The following ARAP2 variants were observed in gnomAD, a reference collection of about 807,000 sequenced individuals.
ARAP2 encodes the protein ArfGAP with RhoGAP domain, ankyrin repeat and PH domain 2.
In ARAP2, 148 loss-of-function variants were observed where a neutral mutation model predicts 194.5. The ratio of observed to expected loss-of-function variants is 0.76; its 90% CI spans 0.67 to 0.87. The LOEUF (loss-of-function observed/expected upper bound fraction) is 0.87. ARAP2 is among the 40% of genes least tolerant of loss of function. The probability of loss-of-function intolerance (pLI) is 0.00; values close to 1 mark genes in which losing one functional copy is unlikely to be tolerated. For missense variants in ARAP2, 2,128 were observed against 1,989.7 expected, an observed-to-expected ratio of 1.07 and a Z score of -1.32; for synonymous variants, 695 against 683.5, an observed-to-expected ratio of 1.02 and a Z score of -0.26.
intron 25 of ARAP2, among the ~76,000 whole-genome samples, chr4:36,114,881 C>T (rs1720960664): frequency 6.6e-6 from 1 of 151,972 alleles, no homozygotes; most frequent in South Asian, 2.1e-4. Context: ...CCTGAGGCCA[C>T]TGTATAAGCA....
chr4:36,216,366 C>T (rs915381490), intron 2 of ARAP2, among the ~76,000 whole-genome samples: 1 of 152,052 alleles, frequency 6.6e-6, no homozygotes, highest in Non-Finnish European at 1.5e-5. Flanking sequence ...TTAAGGCTGT[C>T]GATATCAAGT....
chr4:36,087,791 A>C lies in ARAP2; in HGVS notation c.4425+4090T>G, dbSNP rs145805593. Among the ~76,000 whole-genome samples the C allele has an allele frequency of 1.7e-3, 261 of 152,236 alleles. 1 individual carries two copies. Among genetic ancestry groups the C allele is most frequent in the African/African-American group, 6.1e-3 (253 of 41,568 alleles). On this transcript the variant is annotated intron_variant, in intron 28 of 32. Coordinates refer to ENST00000303965, the MANE Select transcript of ARAP2 (RefSeq NM_015230.4). Reference sequence around the variant, plus strand: ...CTACACATAAAATTCTTTCAGCAAAAACACTAAGGTAATACAAATGTTAAA... The same window carrying C: ...CTACACATAAAATTCTTTCAGCAAACACACTAAGGTAATACAAATGTTAAA...
chr4:36,068,598 C>T (rs935820366), intron 32 of ARAP2, among the ~76,000 whole-genome samples: 9 of 152,142 alleles, frequency 5.9e-5, no homozygotes, highest in African/African-American at 1.2e-4. Context: ...TAGTGATGCG[C>T]GGTAGGACAC....
chr4:36,229,433 A>T lies in ARAP2; in HGVS notation c.54T>A (p.Ile18=). Residue 18 remains isoleucine, a synonymous_variant, in exon 2 of 33, where the codon ATT becomes ATA. Coordinates refer to ENST00000303965, the MANE Select transcript of ARAP2 (RefSeq NM_015230.4). ...AATGTAAGAGATACTGCTCCAAATT[A>T]ATGCTCATTAGGAAATCTTTTATAT... The part of the protein sequence containing the change: ...NVDIKDFLMS[I]NLEQYLLHFH... The T allele has an allele frequency of 6.2e-7, 1 of 1,613,626 alleles. No homozygotes were observed. Among genetic ancestry groups the T allele is most frequent in the Non-Finnish European group, 8.5e-7 (1 of 1,179,664 alleles).
At chr4:36,160,935 T>A (rs1021007677) in intron 12 of ARAP2, among the ~76,000 whole-genome samples, 9 of 152,154 alleles carry the variant, frequency 5.9e-5, no homozygotes, top group African/African-American at 2.2e-4. Context: ...TGAGACAGCT[T>A]CACTTTAAAT....
intron 30 of ARAP2, among the ~76,000 whole-genome samples, chr4:36,081,192 G>A (rs576348424): frequency 1.4e-4 from 21 of 152,076 alleles, no homozygotes; most frequent in Admixed American, 9.8e-4. Flanking sequence ...TTTTAATTCC[G>A]TACCCTTGTT....
intron 9 of ARAP2, among the ~76,000 whole-genome samples, chr4:36,173,853 C>A (rs954448908): frequency 3.3e-5 from 5 of 152,122 alleles, no homozygotes; most frequent in African/African-American, 1.2e-4. Flanking sequence ...AATGATAAAT[C>A]TAACACTTTT....
At chr4:36,055,379 A>C (rs1723317339) in intron 2 of ARAP2, among the ~76,000 whole-genome samples, 1 of 152,152 alleles carries the variant, frequency 6.6e-6, no homozygotes, top group African/African-American at 2.4e-5. Flanking sequence ...GTGTTTTGGA[A>C]AATCATCCTC....
Position 36,173,472 on chromosome 4 carries a change from G to A in ARAP2, c.1857+4355C>T, listed in dbSNP as rs1190154541. 5.3e-5 allele frequency among the ~76,000 whole-genome samples: 8 copies of A among 152,044 alleles called. No homozygotes were observed. The East Asian group carries it at 1.5e-3, about 29-fold the overall frequency. ...TCAGCTTTGAACAGATTAAAAAACA[G>A]TTTAGGACATAGACAAAATTTCTGC... is the stretch of plus-strand genomic sequence containing the variant. On this transcript the variant is annotated intron_variant, in intron 9 of 32. Transcript: ENST00000303965.
At chr4:36,101,125 C>T (rs979642642) in intron 27 of ARAP2, among the ~76,000 whole-genome samples, 2 of 151,960 alleles carry the variant, frequency 1.3e-5, no homozygotes, top group Non-Finnish European at 2.9e-5. Flanking sequence ...GAAGGATGTG[C>T]GTAGATTACA....
chr4:36,199,935 A>T (rs967746016), intron 6 of ARAP2, among the ~76,000 whole-genome samples: 4 of 152,220 alleles, frequency 2.6e-5, no homozygotes, highest in African/African-American at 9.6e-5. Context: ...AAATCATCAC[A>T]CTGTATACCT....
At chr4:36,173,739 T>C (rs923269366) in intron 9 of ARAP2, among the ~76,000 whole-genome samples, 2 of 152,188 alleles carry the variant, frequency 1.3e-5, no homozygotes, top group African/African-American at 2.4e-5. Context: ...TGATCATTAA[T>C]TCAACAAGTT....
chr4:36,008,805 A>T (rs1301146427), intron 9 of ARAP2, among the ~76,000 whole-genome samples: 1 of 152,136 alleles, frequency 6.6e-6, no homozygotes, highest in Non-Finnish European at 1.5e-5. Context: ...CACCCAACAA[A>T]GGTCTATTAT....
intron 31 of ARAP2, among the ~76,000 whole-genome samples, chr4:36,077,852 G>A (rs1728603980): frequency 6.6e-6 from 1 of 152,070 alleles, no homozygotes; most frequent in Non-Finnish European, 1.5e-5. Context: ...AGACAGTGAT[G>A]ATGTCTCAGG....
At chr4:36,162,540 G>C (rs1374018880) in intron 11 of ARAP2, among the ~76,000 whole-genome samples, 1 of 151,280 alleles carries the variant, frequency 6.6e-6, no homozygotes, top group Non-Finnish European at 1.5e-5. Flanking sequence ...TGATCTTAAG[G>C]GCCCTTTGTC....
At chr4:36,011,874 G>A (rs1714634340) in intron 9 of ARAP2, among the ~76,000 whole-genome samples, 1 of 152,120 alleles carries the variant, frequency 6.6e-6, no homozygotes, top group African/African-American at 2.4e-5. Flanking sequence ...ATGGATATCA[G>A]CTTTAGAATA....
intron 4 of ARAP2, 37 bp downstream of exon 4, chr4:36,213,206 T>C (rs374856623): frequency 7.1e-5 from 100 of 1,408,886 alleles, no homozygotes; most frequent in African/African-American, 1.3e-4. Context: ...AAGCAAATAA[T>C]TGATTATGGA....
intron 14 of ARAP2, 69 bp from the exon 15 acceptor site, chr4:36,158,933 T>G: frequency 7.3e-7 from 1 of 1,376,020 alleles, no homozygotes; most frequent in Non-Finnish European, 9.8e-7. Context: ...GTTTATAATA[T>G]GTACATGAGT....
At position 36,066,019 on chromosome 4, in the gene ARAP2, A is replaced by G. The variant is rs1725365600; in HGVS notation, c.*1888T>C. On this transcript the variant is annotated 3_prime_UTR_variant, in exon 33 of 33. Coordinates refer to ENST00000303965, the MANE Select transcript of ARAP2 (RefSeq NM_015230.4). ...CACATTCAAGTAGACTTGTAAAACA[A>G]TTTTAATGTTTACTCAAAATAAATG... 1 of 152,190 alleles carries G rather than the reference A, an allele frequency of 6.6e-6. No homozygotes were observed. Among genetic ancestry groups the G allele is most frequent in the Admixed American group, 6.5e-5 (1 of 15,280 alleles). 9.4% of individuals were successfully genotyped at this position (152,190 alleles called of 1,614,324 possible).
Sources: allele counts gnomAD v4.1 joint callset (sites outside exome capture counted in the v4.1 genomes callset), GRCh38; gene constraint gnomAD v4.1.1; transcripts MANE v1.5; gene names NCBI Gene and HGNC (gene_info 2026-07-23, HGNC 2026-07-21).